EYS: variants seen among roughly 807,000 people sequenced by gnomAD.
EYS encodes the protein EGF-like photoreceptor maintenance factor, also known as protein eyes shut homolog.
A neutral mutation model predicts 282.1 loss-of-function variants in EYS; 250 were observed. The ratio of observed to expected loss-of-function variants is 0.89; its 90% CI spans 0.80 to 0.98. The LOEUF (loss-of-function observed/expected upper bound fraction) is 0.98. Among genes scored for constraint, EYS ranks in the 50% least tolerant of loss-of-function variants. The pLI is 0.00. For synonymous variants in EYS, 1,355 were observed against 1,282.9 expected (o/e 1.06, Z -1.20); for missense variants, 4,016 against 3,709.0 (o/e 1.08, Z -2.15).
At chr6:64,300,429 G>C (rs1355602669) in intron 30 of EYS, among the ~76,000 whole-genome samples, 1 of 150,276 alleles carries the variant, frequency 6.7e-6, no homozygotes. Flanking sequence ...TAAGATATAA[G>C]TAAAATTGAA....
chr6:65,009,397 A>G (rs901223707), intron 13 of EYS, among the ~76,000 whole-genome samples: 2 of 152,138 alleles, frequency 1.3e-5, no homozygotes, highest in Non-Finnish European at 2.9e-5. Flanking sequence ...TTGTCCCTCT[A>G]TACCCAGCTG....
chr6:65,568,264 T>C (rs552184115), intron 2 of EYS, among the ~76,000 whole-genome samples: 1 of 152,066 alleles, frequency 6.6e-6, no homozygotes, highest in East Asian at 1.9e-4. Flanking sequence ...CCATAACCTG[T>C]TTTACCAGAA....
intron 39 of EYS, among the ~76,000 whole-genome samples, chr6:63,783,808 T>C (rs922441133): frequency 6.6e-6 from 1 of 152,126 alleles, no homozygotes; most frequent in Non-Finnish European, 1.5e-5. Flanking sequence ...AGTGGCTAGA[T>C]ATAGTGATAG....
At chr6:64,361,003 G>A (rs1054983076) in intron 29 of EYS, among the ~76,000 whole-genome samples, 2 of 151,620 alleles carry the variant, frequency 1.3e-5, no homozygotes, top group Admixed American at 6.6e-5. Flanking sequence ...TTGAAAACCT[G>A]AGGAAAATCA....
chr6:65,697,281 T>C (rs937991109), intron 1 of EYS, among the ~76,000 whole-genome samples: 12 of 152,098 alleles, frequency 7.9e-5, no homozygotes, highest in Admixed American at 7.2e-4. Flanking sequence ...ATTTTAAAAC[T>C]ATTCTTCACA....
chr6:65,669,413 A>G (rs1245995116), intron 1 of EYS, among the ~76,000 whole-genome samples: 1 of 151,990 alleles, frequency 6.6e-6, no homozygotes, highest in Non-Finnish European at 1.5e-5. Context: ...AAAAGACTGA[A>G]ATTTCCCTTT....
At chr6:65,659,799 A>G (rs993715765) in intron 1 of EYS, among the ~76,000 whole-genome samples, 1 of 151,792 alleles carries the variant, frequency 6.6e-6, no homozygotes, top group Non-Finnish European at 1.5e-5. Context: ...TATGTACAGT[A>G]TTCCATTACT....
intron 22 of EYS, among the ~76,000 whole-genome samples, chr6:64,641,049 A>G (rs1309760154): frequency 2.6e-5 from 4 of 152,188 alleles, no homozygotes; most frequent in African/African-American, 9.7e-5. Context: ...CTCCAAAGCT[A>G]TATCTTCACA....
At chr6:64,605,111 T>C (rs190029706) in intron 24 of EYS, among the ~76,000 whole-genome samples, 73 of 152,132 alleles carry the variant, frequency 4.8e-4, no homozygotes, top group Non-Finnish European at 9.7e-4. Context: ...TATTGAATAT[T>C]GATTTTTCTT....
intron 12 of EYS, among the ~76,000 whole-genome samples, chr6:65,161,412 C>CT (rs1468662473): frequency 6.6e-6 from 1 of 151,000 alleles, no homozygotes; most frequent in African/African-American, 2.4e-5. Context: ...TCTCTCAGAG[C>CT]ATGAGCCTGA....
chr6:65,638,536 C>T (rs9345663), intron 2 of EYS, among the ~76,000 whole-genome samples: 10,871 of 152,212 alleles, frequency 0.071, 607 homozygotes, highest in East Asian at 0.31. Flanking sequence ...CCTGGCGTCT[C>T]GAAGCTTCTG....
intron 12 of EYS, among the ~76,000 whole-genome samples, chr6:65,108,830 A>T (rs2150187675): frequency 6.6e-6 from 1 of 152,178 alleles, no homozygotes; most frequent in South Asian, 2.1e-4. Context: ...TATATGTTGG[A>T]CATTTGAATA....
intron 26 of EYS, among the ~76,000 whole-genome samples, chr6:64,585,753 A>T (rs887967348): frequency 6.6e-6 from 1 of 152,118 alleles, no homozygotes; most frequent in South Asian, 2.1e-4. Context: ...TTACAAAAAC[A>T]TACACATTCT....
At chr6:64,743,192 A>G (rs1772432795) in intron 22 of EYS, among the ~76,000 whole-genome samples, 1 of 152,166 alleles carries the variant, frequency 6.6e-6, no homozygotes, top group South Asian at 2.1e-4. Flanking sequence ...CTATAAAATT[A>G]CATTTTAAAG....
At chr6:65,301,305 C>T (rs1231143777) in intron 11 of EYS, among the ~76,000 whole-genome samples, 1 of 152,172 alleles carries the variant, frequency 6.6e-6, no homozygotes, top group Non-Finnish European at 1.5e-5. Context: ...ACCATCCTGG[C>T]TAACACGGTG....
intron 36 of EYS, among the ~76,000 whole-genome samples, chr6:63,860,902 T>G (rs867477942): frequency 1.2e-4 from 18 of 152,228 alleles, no homozygotes; most frequent in African/African-American, 4.3e-4. Context: ...TCTGCTCTTT[T>G]AAAATCTTCT....
chr6:64,161,597 A>AT lies in EYS; in HGVS notation c.6424+68994dup, dbSNP rs547064932. Among the ~76,000 whole-genome samples, 524 of 152,188 alleles carry AT rather than the reference A, an allele frequency of 3.4e-3. 1 individual carries two copies. The highest frequency in any genetic ancestry group is 4.1e-3 in the Non-Finnish European group (277 of 67,974). The stretch of plus-strand genomic sequence containing the variant: ...TGAAAGAAGATAAAAGGCACTCATG[A>AT]TTTTTTTTATGCCAGCAAACACTGG... On this transcript the variant is annotated intron_variant, in intron 31 of 42. Transcript: ENST00000503581.
At chr6:65,412,073 A>G (rs1767040907) in intron 5 of EYS, among the ~76,000 whole-genome samples, 1 of 152,080 alleles carries the variant, frequency 6.6e-6, no homozygotes, top group Non-Finnish European at 1.5e-5. Context: ...TAGTACCCTT[A>G]TAATAATCAG....
At chr6:64,931,075 C>A (rs1768708479) in intron 15 of EYS, among the ~76,000 whole-genome samples, 1 of 152,140 alleles carries the variant, frequency 6.6e-6, no homozygotes, top group African/African-American at 2.4e-5. Context: ...AAACACTAAA[C>A]TATGTTAACT....
Sources: allele counts gnomAD v4.1 joint callset (sites outside exome capture counted in the v4.1 genomes callset), GRCh38; gene constraint gnomAD v4.1.1; transcripts MANE v1.5; gene names NCBI Gene and HGNC (gene_info 2026-07-23, HGNC 2026-07-21).